DNAJC17: variants seen among roughly 807,000 people sequenced by gnomAD.
DNAJC17 encodes DnaJ heat shock protein family (Hsp40) member C17.
A neutral mutation model predicts 48.1 loss-of-function variants in DNAJC17; 35 were observed. The ratio of observed to expected loss-of-function variants is 0.73; its 90% confidence interval spans 0.56 to 0.96. DNAJC17 has a LOEUF of 0.96. Ranked by LOEUF, DNAJC17 falls within the 50% of genes least tolerant of loss-of-function variation. The pLI is 0.00. For synonymous variants in DNAJC17, 117 were observed against 142.7 expected (o/e 0.82, Z 1.28); for missense variants, 355 against 377.1 (o/e 0.94, Z 0.48).
At position 40,790,082 on chromosome 15, in the gene DNAJC17, C is replaced by A. The variant is rs545496502; in HGVS notation, c.79-10085G>T. Among the ~76,000 whole-genome samples the A allele has an allele frequency of 2.0e-5, 3 of 152,236 alleles. No homozygotes were observed. In the East Asian group the frequency reaches 5.8e-4, roughly 29 times the overall value. On this transcript the variant is annotated intron_variant, in intron 1 of 10. Coordinates refer to ENST00000220496, the MANE Select transcript of DNAJC17 (RefSeq NM_018163.3). ...AAACTGTGCTATGGTAGTTTTAACA[C>A]AAATCTTAACACAGTTCCTTAAGCT... is the stretch of plus-strand genomic sequence containing the variant.
chr15:40,770,517 T>G lies in DNAJC17; in HGVS notation c.793-2455A>C, dbSNP rs1448299632. 3 of 1,550,136 alleles carry G rather than the reference T, an allele frequency of 1.9e-6. No homozygotes were observed. The highest frequency in any genetic ancestry group is 2.6e-6 in the Non-Finnish European group (3 of 1,146,832). Reference sequence around the variant, plus strand: ...CCCCATGGAGACCTGGCGGAAAGGCTCCTTCCGCAACGCCTCCTTCTTCAA... The same window carrying G: ...CCCCATGGAGACCTGGCGGAAAGGCGCCTTCCGCAACGCCTCCTTCTTCAA... On this transcript the variant is annotated intron_variant, in intron 10 of 10. Transcript: ENST00000220496. This position sits in a 1 kb window ranked among gnomAD's most constrained non-coding sequence, Gnocchi z 5.0.
rs892415969 is a variant in DNAJC17 at position 40,766,422 on chromosome 15, T to C, written c.*1518A>G. On this transcript the variant is annotated 3_prime_UTR_variant, in exon 11 of 11. Transcript: ENST00000220496. ...GTCTAAACTGTGACTACTGCTTCCA[T>C]TCCTCCTCTCACCCCTGGAGGCAGG... 1 of 152,336 alleles carries C rather than the reference T, an allele frequency of 6.6e-6. No individual in the cohort carries two copies. The highest frequency in any genetic ancestry group is 6.5e-5 in the Admixed American group (1 of 15,292). The allele number at this position is 152,336 out of a possible 1,614,324, so 9.4% of individuals were successfully genotyped here.
chr15:40,775,459 C>G, intron 7 of DNAJC17, 94 bp downstream of exon 7: 4 of 1,414,892 alleles, frequency 2.8e-6, no homozygotes, highest in Non-Finnish European at 4.0e-6. Flanking sequence ...TCCAGCAGCC[C>G]CACCAGAAAC....
intron 1 of DNAJC17, among the ~76,000 whole-genome samples, chr15:40,796,686 T>C (rs1889946779): frequency 6.6e-6 from 1 of 152,336 alleles, no homozygotes; most frequent in Non-Finnish European, 1.5e-5. Context: ...TGGAAGCCGG[T>C]ATGTCAGTTC....
At chr15:40,805,788 G>C (rs182602436) in intron 1 of DNAJC17, among the ~76,000 whole-genome samples, 234 of 151,944 alleles carry the variant, frequency 1.5e-3, no homozygotes, top group Middle Eastern at 3.4e-3. Flanking sequence ...CCGAGATCGC[G>C]CCACTGCACT....
chr15:40,801,591 AAAAT>A (rs1322415873), intron 1 of DNAJC17, among the ~76,000 whole-genome samples: 1 of 152,110 alleles, frequency 6.6e-6, no homozygotes, highest in African/African-American at 2.4e-5. Context: ...GTCTCTACTA[AAAAT>A]ACAAAAAATT....
intron 1 of DNAJC17, among the ~76,000 whole-genome samples, chr15:40,798,897 C>A: frequency 6.6e-6 from 1 of 152,110 alleles, no homozygotes; most frequent in East Asian, 1.9e-4. Context: ...AGCCGTGGTG[C>A]CCCGCCTTGT....
At chr15:40,788,419 G>A (rs981491576) in intron 1 of DNAJC17, among the ~76,000 whole-genome samples, 6 of 152,104 alleles carry the variant, frequency 3.9e-5, no homozygotes, top group South Asian at 2.1e-4. Context: ...AAAATGGGCC[G>A]GGCACGGTGG....
intron 1 of DNAJC17, among the ~76,000 whole-genome samples, chr15:40,786,110 C>T (rs1342559759): frequency 1.3e-5 from 2 of 152,208 alleles, no homozygotes; most frequent in African/African-American, 4.8e-5. Flanking sequence ...CACAACTCTC[C>T]TAAAGCAGGC....
intron 1 of DNAJC17, among the ~76,000 whole-genome samples, chr15:40,799,072 T>A (rs1890009770): frequency 6.6e-6 from 1 of 151,376 alleles, no homozygotes. Context: ...ACAAAAAAAA[T>A]TAGCCATGGT....
intron 1 of DNAJC17, among the ~76,000 whole-genome samples, chr15:40,787,119 A>G (rs567217801): frequency 4.6e-5 from 7 of 152,266 alleles, no homozygotes; most frequent in African/African-American, 1.7e-4. Context: ...AGTGCTGCTC[A>G]TCTGCTGCTT....
At chr15:40,779,777 C>A in intron 2 of DNAJC17, 151 bp downstream of exon 2, 1 of 1,098,470 alleles carries the variant, frequency 9.1e-7, no homozygotes, top group Non-Finnish European at 1.3e-6. Context: ...GACCAGACAC[C>A]CCTCACAGGA....
At chr15:40,792,869 A>G (rs1221143709) in intron 1 of DNAJC17, among the ~76,000 whole-genome samples, 2 of 150,824 alleles carry the variant, frequency 1.3e-5, no homozygotes, top group Non-Finnish European at 2.9e-5. Flanking sequence ...ACAAAATAAG[A>G]CAGTAAATGA....
rs148991166 is a variant in DNAJC17, at chr15:40,786,518, CTG to C, written c.79-6523_79-6522del. 9.9e-3 allele frequency among the ~76,000 whole-genome samples: 1,500 copies of C among 152,274 alleles called. 66 individuals carry two copies. The East Asian group carries it at 0.11, about 11-fold the overall frequency. ...ATCTCTAAAAAGAGAAAGAAAGAAA[CTG>C]TGTCTGCAGGTGCTGGGATCACTGA... On this transcript the variant is annotated intron_variant, in intron 1 of 10. Transcript: ENST00000220496.
rs149008232 is a variant in DNAJC17 at position 40,797,808 on chromosome 15, G to A, written c.78+9561C>T. Among the ~76,000 whole-genome samples the A allele has an allele frequency of 0.01, 1,458 of 138,936 alleles. 67 individuals are homozygous for A. In the East Asian group the frequency reaches 0.12, roughly 11 times the overall value. The allele number at this position is 138,936 out of a possible 152,430, so 91.1% of individuals were successfully genotyped here. A position where few individuals can be genotyped will look rare whatever the true frequency, so the allele number is the denominator to read the frequency against. On this transcript the variant is annotated intron_variant, in intron 1 of 10. Transcript: ENST00000220496. Reference sequence around the variant, plus strand: ...ACAATCTCGGCTCACTGCAACCTCCGCCTCCTGGGTTCAAGCAATTCTCCC... The same window carrying A: ...ACAATCTCGGCTCACTGCAACCTCCACCTCCTGGGTTCAAGCAATTCTCCC...
chr15:40,794,068 A>C (rs532775234), intron 1 of DNAJC17, among the ~76,000 whole-genome samples: 74 of 152,310 alleles, frequency 4.9e-4, no homozygotes, highest in African/African-American at 1.7e-3. Context: ...CTTACACATT[A>C]AAGATAGTTA....
At chr15:40,785,029 C>T (rs962755190) in intron 1 of DNAJC17, among the ~76,000 whole-genome samples, 3 of 151,922 alleles carry the variant, frequency 2.0e-5, no homozygotes, top group Non-Finnish European at 4.4e-5. Flanking sequence ...ACCCAGGAGG[C>T]GGAGCTTGCA....
At chr15:40,802,838 C>G (rs1890108398) in intron 1 of DNAJC17, among the ~76,000 whole-genome samples, 1 of 152,166 alleles carries the variant, frequency 6.6e-6, no homozygotes, top group Non-Finnish European at 1.5e-5. Context: ...CGTGGTAGCT[C>G]ATGCCTATAA....
At chr15:40,800,955 C>T (rs937884559) in intron 1 of DNAJC17, among the ~76,000 whole-genome samples, 1 of 107,852 alleles carries the variant, frequency 9.3e-6, no homozygotes, top group Non-Finnish European at 1.9e-5. Context: ...GACTCCGTCT[C>T]AAAAAAAAAA....
Sources: allele counts gnomAD v4.1 joint callset (sites outside exome capture counted in the v4.1 genomes callset), GRCh38; gene constraint gnomAD v4.1.1; non-coding constraint Gnocchi (gnomAD v3.1); transcripts MANE v1.5; gene names NCBI Gene and HGNC (gene_info 2026-07-23, HGNC 2026-07-21).